The following NEK11 variants were observed in gnomAD, a reference collection of about 807,000 sequenced individuals.
The protein encoded by NEK11 is serine/threonine-protein kinase Nek11.
A neutral mutation model predicts 80.7 loss-of-function variants in NEK11; 72 were observed. That is an observed-to-expected ratio of 0.89 (90% confidence interval 0.74 to 1.08). The LOEUF (loss-of-function observed/expected upper bound fraction) is 1.08, where lower values mean the gene tolerates loss of function less well. Among genes scored for constraint, NEK11 ranks in the 50% least tolerant of loss-of-function variants. The probability of loss-of-function intolerance (pLI) is 0.00; values close to 1 mark genes in which losing one functional copy is unlikely to be tolerated. For synonymous variants in NEK11, 251 were observed against 260.7 expected, an observed-to-expected ratio of 0.96 and a Z score of 0.36; for missense variants, 764 against 763.6, an observed-to-expected ratio of 1.00 and a Z score of -0.01.
Position 131,051,980 on chromosome 3 carries a change from C to G in NEK11, c.170+22102C>G, listed in dbSNP as rs1267155868. Among the ~76,000 whole-genome samples, 5 of 152,088 alleles carry G rather than the reference C, an allele frequency of 3.3e-5. No individual in the cohort carries two copies. The East Asian group carries it at 7.7e-4, about 23-fold the overall frequency. On this transcript the variant is annotated intron_variant, in intron 3 of 17. Transcript: ENST00000383366. Reference sequence around the variant, plus strand: ...ATCCTTCTCTCCCCTTTTTTGAGTTCTCATCCTCTTCCCCAAAAGGTAACC... The same window carrying G: ...ATCCTTCTCTCCCCTTTTTTGAGTTGTCATCCTCTTCCCCAAAAGGTAACC...
In NEK11 at chr3:131,155,900, C is replaced by T. The variant is rs867767208; in HGVS notation, c.962+779C>T. ...AAACTGAGGAAATTTGCATGATCTC[C>T]AGTTAAGATACACTATATACCACAG... On this transcript the variant is annotated intron_variant, in intron 10 of 17. Coordinates refer to ENST00000383366, the MANE Select transcript of NEK11 (RefSeq NM_024800.5). 4.6e-5 allele frequency among the ~76,000 whole-genome samples: 7 copies of T among 152,308 alleles called. No homozygotes were observed. The South Asian group carries it at 1.4e-3, about 32-fold the overall frequency.
At chr3:131,267,620 A>G (rs2096085914) in intron 16 of NEK11, among the ~76,000 whole-genome samples, 1 of 149,132 alleles carries the variant, frequency 6.7e-6, no homozygotes, top group Non-Finnish European at 1.5e-5. Context: ...TCTGGCTTGT[A>G]GGGTTTCTGC....
intron 7 of NEK11, among the ~76,000 whole-genome samples, chr3:131,142,577 A>T (rs769362828): frequency 6.6e-6 from 1 of 152,202 alleles, no homozygotes; most frequent in Non-Finnish European, 1.5e-5. Context: ...AGTAAATAAC[A>T]GTTGGTTATG....
chr3:131,028,659 T>TCTCCTGCCTC (rs1450537040), intron 2 of NEK11, among the ~76,000 whole-genome samples: 1 of 152,140 alleles, frequency 6.6e-6, no homozygotes, highest in Non-Finnish European at 1.5e-5. Context: ...CCTCCTGGGT[T>TCTCCTGCCTC]CACGCTATTC....
chr3:131,043,497 T>C (rs1299137828), intron 3 of NEK11, among the ~76,000 whole-genome samples: 2 of 152,008 alleles, frequency 1.3e-5, no homozygotes, highest in Admixed American at 1.3e-4. Flanking sequence ...ATCAATCAAG[T>C]GGAAGAAAGT....
intron 17 of NEK11, among the ~76,000 whole-genome samples, chr3:131,343,354 A>T (rs554714281): frequency 6.6e-6 from 1 of 152,248 alleles, no homozygotes; most frequent in Non-Finnish European, 1.5e-5. Flanking sequence ...AGCAGGGAGG[A>T]TCCCTTAATT....
chr3:131,317,797 A>AGGGGGAGGG (rs2096856798), intron 17 of NEK11, among the ~76,000 whole-genome samples: 1 of 98,400 alleles, frequency 1.0e-5, no homozygotes, highest in African/African-American at 4.2e-5. Context: ...AGGAGGAGAG[A>AGGGGGAGGG]AGGAGGAGGA....
At chr3:131,224,612 C>T (rs939598302) in intron 14 of NEK11, among the ~76,000 whole-genome samples, 4 of 152,042 alleles carry the variant, frequency 2.6e-5, no homozygotes, top group African/African-American at 7.3e-5. Flanking sequence ...TGGGCAGGTC[C>T]TTCGGGAGGT....
intron 4 of NEK11, among the ~76,000 whole-genome samples, chr3:131,080,795 A>C (rs748488659): frequency 3.0e-4 from 45 of 152,202 alleles, no homozygotes; most frequent in Admixed American, 3.9e-4. Context: ...TCCATTGGCA[A>C]ACTCAGTAAA....
intron 16 of NEK11, among the ~76,000 whole-genome samples, chr3:131,267,901 A>G (rs2096093534): frequency 6.6e-6 from 1 of 152,142 alleles, no homozygotes; most frequent in Admixed American, 6.5e-5. Context: ...CATCACTTTC[A>G]GGTACACCAA....
At chr3:131,289,116 A>C (rs1357615673) in intron 17 of NEK11, among the ~76,000 whole-genome samples, 1 of 152,208 alleles carries the variant, frequency 6.6e-6, no homozygotes, top group African/African-American at 2.4e-5. Flanking sequence ...GTCCAAGATC[A>C]AGGTGCCAGC....
In NEK11 at chr3:131,170,203, G is replaced by GA. The variant is rs1270406383; in HGVS notation, c.1285-565dup. Among the ~76,000 whole-genome samples, 6 of 152,190 alleles carry GA rather than the reference G, an allele frequency of 3.9e-5. No homozygotes were observed. In the East Asian group the frequency reaches 9.6e-4, roughly 24 times the overall value. On this transcript the variant is annotated intron_variant, in intron 13 of 17. Coordinates refer to ENST00000383366, the MANE Select transcript of NEK11 (RefSeq NM_024800.5). ...TACACACACACACACAAAACTAAGG[G>GA]AAAAAGGCAAAATGATTTCTTGAAA...
chr3:131,292,117 G>A (rs535792267), intron 17 of NEK11, among the ~76,000 whole-genome samples: 4 of 152,236 alleles, frequency 2.6e-5, no homozygotes, highest in African/African-American at 7.2e-5. Context: ...GGTCTGTGCC[G>A]AGATTCAATT....
intron 7 of NEK11, among the ~76,000 whole-genome samples, chr3:131,146,160 A>G (rs1263998279): frequency 6.6e-6 from 1 of 152,140 alleles, no homozygotes; most frequent in East Asian, 1.9e-4. Flanking sequence ...GGAGACCCTA[A>G]GCCTATGTGG....
intron 3 of NEK11, among the ~76,000 whole-genome samples, chr3:131,032,452 C>T (rs2065013777): frequency 6.6e-6 from 1 of 152,256 alleles, no homozygotes; most frequent in Non-Finnish European, 1.5e-5. Flanking sequence ...CCTCTCCTTA[C>T]TGTCTCTGGC....
intron 5 of NEK11, among the ~76,000 whole-genome samples, chr3:131,116,110 A>C (rs113499956): frequency 0.014 from 2,140 of 151,930 alleles, 47 homozygotes; most frequent in African/African-American, 0.049. Context: ...ATCTCTCCTA[A>C]TGCTATCCCT....
chr3:131,110,328 A>C (rs2079900100), intron 5 of NEK11, among the ~76,000 whole-genome samples: 1 of 152,158 alleles, frequency 6.6e-6, no homozygotes, highest in Non-Finnish European at 1.5e-5. Flanking sequence ...GGAATGTGTC[A>C]GTGCACACTT....
At chr3:131,289,343 TA>T (rs1452678426) in intron 17 of NEK11, among the ~76,000 whole-genome samples, 4 of 152,242 alleles carry the variant, frequency 2.6e-5, no homozygotes, top group Non-Finnish European at 5.9e-5. Flanking sequence ...TCTACAAATA[TA>T]CAAATATTCA....
intron 7 of NEK11, among the ~76,000 whole-genome samples, chr3:131,147,660 T>G (rs539675642): frequency 1.3e-5 from 2 of 152,134 alleles, no homozygotes; most frequent in African/African-American, 4.8e-5. Flanking sequence ...TGGGCCTCTT[T>G]AAGTGTGTTT....
Sources: gnomAD v4.1 joint callset for allele counts (sites outside exome capture counted in the v4.1 genomes callset) on GRCh38, gnomAD v4.1.1 for gene constraint, MANE v1.5 for transcripts, NCBI Gene and HGNC (gene_info 2026-07-23, HGNC 2026-07-21) for gene names.